The following LRP1B variants were observed in gnomAD, a reference collection of about 807,000 sequenced individuals.
LRP1B encodes LDL receptor related protein 1B.
Under a neutral mutation model 556.6 loss-of-function variants are expected in LRP1B, and 217 were observed. The ratio of observed to expected loss-of-function variants is 0.39; its 90% CI spans 0.35 to 0.44. The LOEUF (loss-of-function observed/expected upper bound fraction) is 0.44, where lower values mean the gene tolerates loss of function less well. Among genes scored for constraint, LRP1B ranks in the 20% least tolerant of loss-of-function variants. The pLI is 1.00. For missense variants in LRP1B, 5,053 were observed against 5,620.8 expected (o/e 0.90, Z 3.23); for synonymous variants, 2,047 against 1,865.8 (o/e 1.10, Z -2.50).
At chr2:140,374,973 C>T (rs1683157170) in intron 68 of LRP1B, among the ~76,000 whole-genome samples, 2 of 151,924 alleles carry the variant, frequency 1.3e-5, no homozygotes, top group South Asian at 4.1e-4. Flanking sequence ...TAATGTATAA[C>T]TATTTCTCGT....
At chr2:141,621,768 TA>T (rs1353977718) in intron 2 of LRP1B, among the ~76,000 whole-genome samples, 3 of 151,830 alleles carry the variant, frequency 2.0e-5, no homozygotes, top group Non-Finnish European at 4.4e-5. Flanking sequence ...GATGTGAAAA[TA>T]AAAGAATGGG....
chr2:142,003,634 C>A (rs984402893), intron 1 of LRP1B, among the ~76,000 whole-genome samples: 3 of 152,172 alleles, frequency 2.0e-5, no homozygotes, highest in African/African-American at 7.2e-5. Flanking sequence ...CAATAGATAG[C>A]CATGGCAGAG....
At chr2:141,808,390 G>A (rs1696230610) in intron 2 of LRP1B, among the ~76,000 whole-genome samples, 1 of 152,048 alleles carries the variant, frequency 6.6e-6, no homozygotes, top group South Asian at 2.1e-4. Context: ...TAGCTAAAGA[G>A]GAGAGAATTT....
Position 140,401,083 on chromosome 2 carries a change from G to A in LRP1B, c.10415-15074C>T, listed in dbSNP as rs75389395. The stretch of plus-strand genomic sequence containing the variant: ...GTGGCCATGGGTTGAAAGAAGCTCC[G>A]AACTGAATTTGGTAATGTAACCTTG... On this transcript the variant is annotated intron_variant, in intron 66 of 90. Coordinates refer to ENST00000389484, the MANE Select transcript of LRP1B (RefSeq NM_018557.3). Among the ~76,000 whole-genome samples, 773 of 152,198 alleles carry A rather than the reference G, an allele frequency of 5.1e-3. 7 individuals are homozygous for A. Among genetic ancestry groups the A allele is most frequent in the African/African-American group, 0.017 (718 of 41,528 alleles).
chr2:140,769,499 C>T (rs1377538708), intron 34 of LRP1B, among the ~76,000 whole-genome samples, 155 bp from the exon 35 acceptor site: 1 of 151,878 alleles, frequency 6.6e-6, no homozygotes, highest in African/African-American at 2.4e-5. Flanking sequence ...ACTACACTTC[C>T]TGACTAACGA....
chr2:141,470,372 G>C (rs1363385789), intron 3 of LRP1B, among the ~76,000 whole-genome samples: 1 of 152,156 alleles, frequency 6.6e-6, no homozygotes, highest in Non-Finnish European at 1.5e-5. Context: ...TAGTTACATA[G>C]TTGTTCAGCC....
intron 84 of LRP1B, among the ~76,000 whole-genome samples, chr2:140,294,653 C>T (rs943445917): frequency 6.6e-6 from 1 of 152,126 alleles, no homozygotes; most frequent in African/African-American, 2.4e-5. Context: ...GGAGAGGCTG[C>T]AGACCTAGGA....
intron 24 of LRP1B, 56 bp downstream of exon 24, chr2:140,886,082 T>C: frequency 8.8e-7 from 1 of 1,137,114 alleles, no homozygotes; most frequent in Non-Finnish European, 1.2e-6. Flanking sequence ...ACGTGTTCTT[T>C]GAATTTTCAC....
chr2:141,555,679 A>C (rs1685937318), intron 2 of LRP1B, among the ~76,000 whole-genome samples: 1 of 151,898 alleles, frequency 6.6e-6, no homozygotes, highest in Admixed American at 6.6e-5. Context: ...ATGCTTTGTA[A>C]AATTTTGAAT....
rs938346217 is a variant in LRP1B, at chr2:140,903,219, A to C, written c.3521-54T>G. 8.9e-6 allele frequency: 14 copies of C among 1,569,602 alleles called. 1 individual carries two copies. Among genetic ancestry groups the C allele is most frequent in the East Asian group, 2.3e-5 (1 of 44,428 alleles). ...TCTTATCAATTGCTTTCCTCAGTTA[A>C]ATACTAATCATTGAACTCAATTCTC... On this transcript the variant is annotated intron_variant, in intron 22 of 90. Transcript: ENST00000389484.
chr2:140,730,787 G>A (rs145721354), intron 35 of LRP1B, among the ~76,000 whole-genome samples: 2,171 of 152,256 alleles, frequency 0.014, 23 homozygotes, highest in Non-Finnish European at 0.02. Flanking sequence ...TCGAACTCCT[G>A]ACCTCGTGAT....
intron 2 of LRP1B, among the ~76,000 whole-genome samples, chr2:141,675,693 ATATG>A (rs10572277): frequency 0.54 from 40,783 of 75,068 alleles, 6,233 homozygotes; most frequent in East Asian, 0.7. Context: ...ATATATATAT[ATATG>A]TATATGCACT....
intron 2 of LRP1B, among the ~76,000 whole-genome samples, chr2:141,558,057 C>T (rs902655412): frequency 6.6e-6 from 1 of 151,906 alleles, no homozygotes; most frequent in Non-Finnish European, 1.5e-5. Context: ...ATGATAACTG[C>T]AATCTCAGGG....
intron 60 of LRP1B, among the ~76,000 whole-genome samples, chr2:140,461,670 A>G (rs892036363): frequency 1.3e-5 from 2 of 151,952 alleles, no homozygotes; most frequent in Admixed American, 6.6e-5. Flanking sequence ...CCCCGTCTCT[A>G]CTAAAAATAC....
chr2:140,480,454 A>G (rs1688184507), intron 59 of LRP1B, among the ~76,000 whole-genome samples: 1 of 152,062 alleles, frequency 6.6e-6, no homozygotes, highest in Non-Finnish European at 1.5e-5. Flanking sequence ...TGGATTTCCT[A>G]ACAGACTTTT....
At chr2:141,911,866 T>C (rs897731662) in intron 1 of LRP1B, among the ~76,000 whole-genome samples, 1 of 152,138 alleles carries the variant, frequency 6.6e-6, no homozygotes, top group African/African-American at 2.4e-5. Context: ...AAATAAAATT[T>C]GTATGTGCTA....
chr2:140,702,631 A>G (rs2105431462), intron 37 of LRP1B, 78 bp from the exon 38 acceptor site: 1 of 1,312,578 alleles, frequency 7.6e-7, no homozygotes, highest in Non-Finnish European at 1.1e-6. Context: ...AGACATTACT[A>G]ATAACAGCAG....
chr2:142,069,595 T>TTC (rs1255820074), intron 1 of LRP1B, among the ~76,000 whole-genome samples: 1 of 151,692 alleles, frequency 6.6e-6, no homozygotes, highest in African/African-American at 2.4e-5. Flanking sequence ...CAAATCTGAT[T>TTC]TTGCAAATTC....
At chr2:141,743,242 T>C (rs957894505) in intron 2 of LRP1B, among the ~76,000 whole-genome samples, 5 of 152,200 alleles carry the variant, frequency 3.3e-5, no homozygotes, top group African/African-American at 1.2e-4. Flanking sequence ...CACCGATTAA[T>C]TTACAAATGT....
Sources: allele counts gnomAD v4.1 joint callset (sites outside exome capture counted in the v4.1 genomes callset), GRCh38; gene constraint gnomAD v4.1.1; transcripts MANE v1.5; gene names NCBI Gene and HGNC (gene_info 2026-07-23, HGNC 2026-07-21).